DLGAP2: variants seen among roughly 807,000 people sequenced by gnomAD.
DLGAP2 encodes the protein DLG associated protein 2.
DLGAP2 carries 26 observed loss-of-function variants against 100.3 expected under a neutral mutation model. That is an observed-to-expected ratio of 0.26 (90% confidence interval 0.19 to 0.36). The LOEUF is 0.36. Among genes scored for constraint, DLGAP2 ranks in the 10% least tolerant of loss-of-function variants. The pLI is 1.00. For missense variants in DLGAP2, 1,858 were observed against 1,453.2 expected, an observed-to-expected ratio of 1.28 and a Z score of -4.53; for synonymous variants, 886 against 630.1, an observed-to-expected ratio of 1.41 and a Z score of -6.08.
At chr8:1,017,644 GACA>G (rs1443095099) in intron 2 of DLGAP2, among the ~76,000 whole-genome samples, 4 of 145,124 alleles carry the variant, frequency 2.8e-5, no homozygotes, top group African/African-American at 9.8e-5. Context: ...CGGGACAGAT[GACA>G]CCTCCACTGT....
At chr8:1,045,599 C>T (rs1038958665) in intron 2 of DLGAP2, among the ~76,000 whole-genome samples, 4 of 152,198 alleles carry the variant, frequency 2.6e-5, no homozygotes, top group African/African-American at 2.4e-5. Context: ...TTACTCCTCC[C>T]GTCTCATTGG....
At chr8:1,091,589 C>G (rs551867376) in intron 2 of DLGAP2, among the ~76,000 whole-genome samples, 1 of 152,356 alleles carries the variant, frequency 6.6e-6, no homozygotes, top group Admixed American at 6.5e-5. Flanking sequence ...GCAGTGATGC[C>G]ATATCATTCG....
intron 1 of DLGAP2, among the ~76,000 whole-genome samples, chr8:853,389 G>T (rs1436260076): frequency 2.0e-5 from 3 of 152,244 alleles, no homozygotes; most frequent in African/African-American, 7.2e-5. Flanking sequence ...ACGGTGCCCA[G>T]GGTTGTGCTG....
intron 1 of DLGAP2, among the ~76,000 whole-genome samples, chr8:762,051 G>A (rs868203759): frequency 6.6e-5 from 10 of 152,158 alleles, no homozygotes; most frequent in East Asian, 1.9e-4. Flanking sequence ...GGGTTTTGGC[G>A]TATATCTTCC....
intron 2 of DLGAP2, chr8:1,248,628 A>C (rs1585189864): frequency 6.6e-6 from 1 of 152,036 alleles, no homozygotes; most frequent in East Asian, 1.9e-4. Context: ...GTGGCCGGGA[A>C]GACCTTTGAG....
chr8:927,368 T>C (rs1241334806), intron 2 of DLGAP2, among the ~76,000 whole-genome samples: 1 of 151,928 alleles, frequency 6.6e-6, no homozygotes, highest in Non-Finnish European at 1.5e-5. Flanking sequence ...TTTGTGGGGG[T>C]GTGTTTAAAA....
At chr8:813,311 G>T (rs749906557) in intron 1 of DLGAP2, among the ~76,000 whole-genome samples, 11 of 151,972 alleles carry the variant, frequency 7.2e-5, no homozygotes, top group Middle Eastern at 3.4e-3. Context: ...GTTAGTTACA[G>T]TATTTATGGA....
At chr8:861,093 G>T (rs927251240) in intron 1 of DLGAP2, among the ~76,000 whole-genome samples, 3 of 152,156 alleles carry the variant, frequency 2.0e-5, no homozygotes, top group African/African-American at 7.2e-5. Context: ...GGGCAGTGAG[G>T]TGGGAGGCAG....
At chr8:1,304,889 G>T (rs755053824) in intron 3 of DLGAP2, among the ~76,000 whole-genome samples, 1 of 152,184 alleles carries the variant, frequency 6.6e-6, no homozygotes, top group East Asian at 1.9e-4. Context: ...CACTGCAATC[G>T]CATTTGATAT....
At chr8:985,741 A>T (rs567418487) in intron 2 of DLGAP2, among the ~76,000 whole-genome samples, 1 of 152,340 alleles carries the variant, frequency 6.6e-6, no homozygotes, top group East Asian at 1.9e-4. Context: ...GAGAAAGATT[A>T]TTTCAAGGTA....
At chr8:1,195,369 C>T (rs928896984) in intron 2 of DLGAP2, among the ~76,000 whole-genome samples, 4 of 152,184 alleles carry the variant, frequency 2.6e-5, no homozygotes, top group South Asian at 2.1e-4. Context: ...ACGCAGCCAC[C>T]GACAGGTCAG....
intron 3 of DLGAP2, among the ~76,000 whole-genome samples, chr8:1,418,681 T>A (rs1357864779): frequency 6.6e-6 from 1 of 152,178 alleles, no homozygotes; most frequent in Non-Finnish European, 1.5e-5. Flanking sequence ...ACGCCAATAC[T>A]TCTGGCCACC....
intron 8 of DLGAP2, among the ~76,000 whole-genome samples, chr8:1,647,019 G>A (rs1339921405): frequency 6.6e-6 from 1 of 152,182 alleles, no homozygotes; most frequent in Admixed American, 6.5e-5. Context: ...GCAGACACAG[G>A]GCTCAGGCTT....
chr8:1,478,137 T>G (rs192223120), intron 3 of DLGAP2, among the ~76,000 whole-genome samples: 86 of 152,364 alleles, frequency 5.6e-4, no homozygotes, highest in African/African-American at 2.0e-3. Context: ...AAATGCCCTC[T>G]GTTTTTTAAA....
intron 1 of DLGAP2, among the ~76,000 whole-genome samples, chr8:802,733 G>A (rs1424508542): frequency 2.6e-5 from 4 of 152,104 alleles, no homozygotes; most frequent in African/African-American, 4.8e-5. Flanking sequence ...TCTGTAGGCC[G>A]TGGTCTCTCA....
At chr8:1,581,413 C>A (rs1387166029) in intron 6 of DLGAP2, among the ~76,000 whole-genome samples, 1 of 151,480 alleles carries the variant, frequency 6.6e-6, no homozygotes, top group Non-Finnish European at 1.5e-5. Context: ...AAAAACCCCA[C>A]ACACATATAC....
chr8:956,269 G>T (rs566914427), intron 2 of DLGAP2, among the ~76,000 whole-genome samples: 1 of 152,220 alleles, frequency 6.6e-6, no homozygotes, highest in Admixed American at 6.5e-5. Flanking sequence ...ACTTGCAGCC[G>T]ACAAGTTGTG....
intron 2 of DLGAP2, among the ~76,000 whole-genome samples, chr8:996,435 G>A (rs1241304261): frequency 1.3e-5 from 2 of 152,162 alleles, no homozygotes; most frequent in Admixed American, 6.5e-5. Context: ...AGCAAAGGCC[G>A]TTCTGGAGGC....
At chr8:1,023,159 T>G (rs1158534762) in intron 2 of DLGAP2, among the ~76,000 whole-genome samples, 1 of 152,220 alleles carries the variant, frequency 6.6e-6, no homozygotes, top group Non-Finnish European at 1.5e-5. Flanking sequence ...ACACTGTCGC[T>G]AATAGAAATA....
Sources: allele counts gnomAD v4.1 joint callset (sites outside exome capture counted in the v4.1 genomes callset), GRCh38; gene constraint gnomAD v4.1.1; transcripts MANE v1.5; gene names NCBI Gene and HGNC (gene_info 2026-07-23, HGNC 2026-07-21).